The following NDUFA12 variants were observed in gnomAD, a reference collection of about 807,000 sequenced individuals.
The protein encoded by NDUFA12 is NADH dehydrogenase [ubiquinone] 1 alpha subcomplex subunit 12.
Under a neutral mutation model 20.3 loss-of-function variants are expected in NDUFA12, and 17 were observed. The ratio of observed to expected loss-of-function variants is 0.84; its 90% CI spans 0.57 to 1.26. The LOEUF (loss-of-function observed/expected upper bound fraction) is 1.26. Ranked by LOEUF, NDUFA12 falls within the 50% of genes most tolerant of loss-of-function variation. The pLI is 0.00. For missense variants in NDUFA12, 191 were observed against 183.7 expected (o/e 1.04, Z -0.23); for synonymous variants, 72 against 63.6 (o/e 1.13, Z -0.63).
At chr12:94,988,832 T>G (rs1874539306) in intron 3 of NDUFA12, among the ~76,000 whole-genome samples, 1 of 152,140 alleles carries the variant, frequency 6.6e-6, no homozygotes, top group Non-Finnish European at 1.5e-5. Context: ...AGGCGCTCAT[T>G]AAAACAGTGT....
chr12:94,975,594 A>G (rs1270284546), intron 3 of NDUFA12, among the ~76,000 whole-genome samples: 1 of 152,188 alleles, frequency 6.6e-6, no homozygotes, highest in East Asian at 1.9e-4. Flanking sequence ...ATCCATTTCC[A>G]TTTAAGGAAA....
chr12:94,979,349 T>C (rs577772494), intron 3 of NDUFA12, among the ~76,000 whole-genome samples: 3 of 152,348 alleles, frequency 2.0e-5, no homozygotes, highest in African/African-American at 7.2e-5. Flanking sequence ...CAAAGAATTG[T>C]TTCTACCTCA....
chr12:94,981,737 G>T (rs550600088), intron 3 of NDUFA12, among the ~76,000 whole-genome samples: 2 of 152,298 alleles, frequency 1.3e-5, no homozygotes, highest in East Asian at 3.9e-4. Flanking sequence ...ATATAGGGGG[G>T]TGCTCAATAT....
intron 2 of NDUFA12, chr12:94,996,926 A>G: frequency 2.7e-6 from 1 of 376,802 alleles, no homozygotes; most frequent in Non-Finnish European, 5.1e-6. Flanking sequence ...CATTAATTAC[A>G]TGATTAAGTC....
In NDUFA12 at chr12:94,994,195, C is replaced by T. The variant is rs532809645; in HGVS notation, c.232G>A (p.Asp78Asn). The change falls in exon 3 of 4, where the codon GAT becomes AAT. Residue 78 changes from aspartate to asparagine, a missense_variant. Transcript: ENST00000327772. ...MNGKNTFWDV[D>N]GSMVPPEWHR... Reference sequence around the variant, plus strand: ...CATTCAGGAGGCACCATGCTTCCATCCACATCCCAGAATGTGTTTTTGCCA... The same window carrying T: ...CATTCAGGAGGCACCATGCTTCCATTCACATCCCAGAATGTGTTTTTGCCA... The T allele has an allele frequency of 1.9e-6, 3 of 1,614,142 alleles. No individual in the cohort carries two copies. Among genetic ancestry groups the T allele is most frequent in the Admixed American group, 1.7e-5 (1 of 60,020 alleles).
intron 3 of NDUFA12, among the ~76,000 whole-genome samples, chr12:94,978,605 G>A (rs916151649): frequency 6.6e-6 from 1 of 152,150 alleles, no homozygotes; most frequent in Non-Finnish European, 1.5e-5. Flanking sequence ...TTAAAGAGAT[G>A]TATTAACTAA....
In NDUFA12 at chr12:94,971,533, G is replaced by C; in HGVS notation, c.345C>G (p.Phe115Leu). 1 of 1,614,180 alleles carries C rather than the reference G, an allele frequency of 6.2e-7. No homozygotes were observed. Among genetic ancestry groups the C allele is most frequent in the Non-Finnish European group, 8.5e-7 (1 of 1,180,016 alleles). ...ATTGTTCTGGGGTGCCAGTCACGTT[G>C]AATTTATGGTTCGTCCAAATGAATT... The part of the protein sequence containing the change: ...ARKFIWTNHK[F>L]NVTGTPEQYV... The change falls in exon 4 of 4, where the codon TTC becomes TTG. Residue 115 changes from phenylalanine (F) to leucine (L), a missense_variant. Phe to Leu is a conservative substitution (Grantham distance 22, BLOSUM62 0). Coordinates refer to ENST00000327772, the MANE Select transcript of NDUFA12 (RefSeq NM_018838.5).
chr12:94,972,373 A>G, intron 3 of NDUFA12: 1 of 383,030 alleles, frequency 2.6e-6, no homozygotes, highest in Non-Finnish European at 5.4e-6. Context: ...GTGGAAATGC[A>G]TTTTAGAACT....
intron 2 of NDUFA12, among the ~76,000 whole-genome samples, chr12:94,998,050 A>G (rs191336462): frequency 6.6e-6 from 1 of 152,322 alleles, no homozygotes; most frequent in East Asian, 1.9e-4. Flanking sequence ...ACAAACCAAT[A>G]TCCCTGATGA....
At chr12:94,982,820 C>G (rs930433423) in intron 3 of NDUFA12, among the ~76,000 whole-genome samples, 1 of 152,046 alleles carries the variant, frequency 6.6e-6, no homozygotes, top group African/African-American at 2.4e-5. Flanking sequence ...AATCAGAGGT[C>G]GATTTTATAT....
At chr12:94,980,443 T>G (rs1490662966) in intron 3 of NDUFA12, among the ~76,000 whole-genome samples, 1 of 152,154 alleles carries the variant, frequency 6.6e-6, no homozygotes. Context: ...TACAAAGGCT[T>G]CTAGAACACA....
intron 3 of NDUFA12, among the ~76,000 whole-genome samples, chr12:94,990,291 A>T (rs549746214): frequency 6.6e-6 from 1 of 151,722 alleles, no homozygotes; most frequent in East Asian, 1.9e-4. Context: ...AAACAAAAAA[A>T]CCCCACAGCT....
At position 94,994,094 on chromosome 12, in the gene NDUFA12, A is replaced by C. The variant is rs542672123; in HGVS notation, c.257+76T>G. 24 of 1,335,312 alleles carry C rather than the reference A, an allele frequency of 1.8e-5. No homozygotes were observed. In the South Asian group the frequency reaches 2.8e-4, roughly 15 times the overall value. 82.7% of individuals were successfully genotyped at this position (1,335,312 alleles called of 1,614,324 possible). Reference sequence around the variant, plus strand: ...AGTCATGATCATGTCACTGCACTCCAGCCTGGGTGACAGAGTGAGACCCTG... The same window carrying C: ...AGTCATGATCATGTCACTGCACTCCCGCCTGGGTGACAGAGTGAGACCCTG... On this transcript the variant is annotated intron_variant, in intron 3 of 3. Transcript: ENST00000327772.
At chr12:94,973,309 T>G (rs1406707750) in intron 3 of NDUFA12, among the ~76,000 whole-genome samples, 1 of 152,212 alleles carries the variant, frequency 6.6e-6, no homozygotes, top group Non-Finnish European at 1.5e-5. Flanking sequence ...TAGGTCAGTG[T>G]CTGTCTTACA....
chr12:94,971,404 C>T lies in NDUFA12; in HGVS notation c.*36G>A, dbSNP rs746974956. On this transcript the variant is annotated 3_prime_UTR_variant, in exon 4 of 4. Coordinates refer to ENST00000327772, the MANE Select transcript of NDUFA12 (RefSeq NM_018838.5). ...TAAAAGAGTAATTACATGAAAAGCTCCATATTTTGCATGTTTCAACTGTTC... is the reference window on the plus strand; with the variant it reads ...TAAAAGAGTAATTACATGAAAAGCTTCATATTTTGCATGTTTCAACTGTTC... The T allele has an allele frequency of 2.5e-6, 4 of 1,588,438 alleles. No homozygotes were observed. The highest frequency in any genetic ancestry group is 3.5e-6 in the Non-Finnish European group (4 of 1,156,898).
At chr12:94,976,584 C>T (rs1446044115) in intron 3 of NDUFA12, among the ~76,000 whole-genome samples, 1 of 152,204 alleles carries the variant, frequency 6.6e-6, no homozygotes, top group Non-Finnish European at 1.5e-5. Context: ...ATACTCGGCA[C>T]ACAGCAAATC....
intron 2 of NDUFA12, among the ~76,000 whole-genome samples, chr12:95,002,333 C>G (rs1027299735): frequency 6.7e-6 from 1 of 148,314 alleles, no homozygotes; most frequent in African/African-American, 2.5e-5. Flanking sequence ...CCCAACTACT[C>G]AGGCAGGCTG....
intron 3 of NDUFA12, among the ~76,000 whole-genome samples, chr12:94,992,274 G>T (rs982005111): frequency 6.6e-6 from 1 of 152,134 alleles, no homozygotes; most frequent in African/African-American, 2.4e-5. Context: ...CAAAATATGC[G>T]TATTATAAAG....
intron 3 of NDUFA12, among the ~76,000 whole-genome samples, chr12:94,991,985 G>T (rs1262039899): frequency 6.6e-6 from 1 of 152,072 alleles, no homozygotes; most frequent in African/African-American, 2.4e-5. Flanking sequence ...TTAGAACAGA[G>T]GCAAATACAC....
Sources: allele counts gnomAD v4.1 joint callset (sites outside exome capture counted in the v4.1 genomes callset), GRCh38; gene constraint gnomAD v4.1.1; transcripts MANE v1.5; gene names NCBI Gene and HGNC (gene_info 2026-07-23, HGNC 2026-07-21).